SULT1C3: variants seen among roughly 807,000 people sequenced by gnomAD.
SULT1C3 encodes the protein sulfotransferase family 1C member 3.
In SULT1C3, 31 loss-of-function variants were observed where a neutral mutation model predicts 28.4. The ratio of observed to expected loss-of-function variants is 1.09; its 90% CI spans 0.82 to 1.47. The LOEUF is 1.47. Among genes scored for constraint, SULT1C3 ranks in the 40% most tolerant of loss-of-function variants. The pLI is 0.00. For missense variants in SULT1C3, 307 were observed against 272.5 expected (o/e 1.13, Z -0.89); for synonymous variants, 106 against 92.2 (o/e 1.15, Z -0.86).
At chr2:108,263,351 TA>T (rs996285588), downstream of SULT1C3, among the ~76,000 whole-genome samples, 172 of 152,342 alleles carry the variant, frequency 1.1e-3, no homozygotes, top group African/African-American at 4.0e-3. Context: ...TGGCTTTTTT[TA>T]ATATTTAACT....
At chr2:108,242,183 A>ATT (rs999987004) in intron 1 of SULT1C3, among the ~76,000 whole-genome samples, 2 of 152,186 alleles carry the variant, frequency 1.3e-5, no homozygotes, top group African/African-American at 4.8e-5. Flanking sequence ...TCTACCAATA[A>ATT]TTCTTAAGAG....
intron 2 of SULT1C3, among the ~76,000 whole-genome samples, chr2:108,248,896 G>A (rs1322364740): frequency 6.6e-6 from 1 of 152,134 alleles, no homozygotes; most frequent in Non-Finnish European, 1.5e-5. Context: ...GGACCCAGTG[G>A]AATCATGTGA....
intron 4 of SULT1C3, among the ~76,000 whole-genome samples, chr2:108,254,904 G>A (rs1675832953): frequency 6.6e-6 from 1 of 151,558 alleles, no homozygotes; most frequent in Non-Finnish European, 1.5e-5. Context: ...TTCCTCATGT[G>A]AGTCTCATAC....
intron 3 of SULT1C3, 112 bp downstream of exon 3, chr2:108,252,605 G>C: frequency 7.7e-7 from 1 of 1,296,512 alleles, no homozygotes; most frequent in South Asian, 1.7e-5. Context: ...TATCTTTCAT[G>C]AGGTCTATTT....
chr2:108,253,802 G>A (rs1322183975), intron 4 of SULT1C3, among the ~76,000 whole-genome samples: 1 of 151,980 alleles, frequency 6.6e-6, no homozygotes, highest in Non-Finnish European at 1.5e-5. Flanking sequence ...ATATTCTCCT[G>A]GCCTCAGAAG....
At chr2:108,245,400 A>G (rs893207980) in intron 1 of SULT1C3, among the ~76,000 whole-genome samples, 1 of 152,242 alleles carries the variant, frequency 6.6e-6, no homozygotes, top group Non-Finnish European at 1.5e-5. Flanking sequence ...ATATCCTGCT[A>G]TGATGGCCTA....
chr2:108,244,740 GA>G (rs772148769), intron 1 of SULT1C3, among the ~76,000 whole-genome samples: 8 of 152,144 alleles, frequency 5.3e-5, no homozygotes, highest in Non-Finnish European at 1.0e-4. Context: ...AATGAGAAGG[GA>G]ACTTGAAGGC....
At position 108,260,633 on chromosome 2, in the gene SULT1C3, G is replaced by A; in HGVS notation, c.868G>A (p.Glu290Lys). The change falls in exon 8 of 8, where the codon GAA becomes AAA. Residue 290 changes from glutamate to lysine, a missense_variant. By Grantham distance (56) the Glu-to-Lys change is moderately conservative (BLOSUM62 1). Coordinates refer to ENST00000681802, the MANE Select transcript of SULT1C3 (RefSeq NM_001320878.2). ...GAATGAGAACTTTGATAAGCATTAT[G>A]AAAAGAAGATGGCAGGGTCCACACT... Reference protein sequence around the residue: ...ALNENFDKHYEKKMAGSTLNF... With the variant: ...ALNENFDKHYKKKMAGSTLNF... The A allele has an allele frequency of 2.0e-6, 1 of 492,592 alleles. No individual in the cohort carries two copies. The highest frequency in any genetic ancestry group is 4.1e-6 in the Non-Finnish European group (1 of 246,312). The allele number at this position is 492,592 out of a possible 1,614,324, so 30.5% of individuals were successfully genotyped here. A position where few individuals can be genotyped will look rare whatever the true frequency, so the allele number is the denominator to read the frequency against.
downstream of SULT1C3, chr2:108,265,233 T>C: frequency 6.2e-7 from 1 of 1,612,792 alleles, no homozygotes; most frequent in Non-Finnish European, 8.5e-7. Flanking sequence ...TTTTGCCTTG[T>C]TTCAGGGATG....
chr2:108,254,254 T>G (rs1675805255), intron 4 of SULT1C3, among the ~76,000 whole-genome samples: 1 of 151,996 alleles, frequency 6.6e-6, no homozygotes, highest in South Asian at 2.1e-4. Context: ...ACAGTCCTCC[T>G]GAAATCCTGC....
intron 1 of SULT1C3, among the ~76,000 whole-genome samples, chr2:108,243,090 C>T (rs113830417): frequency 0.014 from 2,169 of 152,208 alleles, 22 homozygotes; most frequent in South Asian, 0.047. Context: ...AACCAATGAG[C>T]CTTAATTAGG....
chr2:108,241,395 T>TTGG (rs1235633006), intron 1 of SULT1C3, among the ~76,000 whole-genome samples: 3 of 152,206 alleles, frequency 2.0e-5, no homozygotes, highest in Admixed American at 1.3e-4. Context: ...TGCTCCAAAT[T>TTGG]TGGTTCACAA....
chr2:108,263,235 C>A (rs1403899192), downstream of SULT1C3, among the ~76,000 whole-genome samples: 4 of 152,146 alleles, frequency 2.6e-5, no homozygotes, highest in Non-Finnish European at 5.9e-5. Flanking sequence ...TAACTGGGTA[C>A]TGTTAAGAAC....
chr2:108,259,973 A>T (rs1249160320), intron 7 of SULT1C3, among the ~76,000 whole-genome samples: 1 of 152,140 alleles, frequency 6.6e-6, no homozygotes, highest in Admixed American at 6.5e-5. Context: ...ATGGGCAAGC[A>T]TTTCAGATTA....
intron 1 of SULT1C3, among the ~76,000 whole-genome samples, chr2:108,244,117 AC>A (rs1307401662): frequency 2.1e-5 from 3 of 143,384 alleles, no homozygotes; most frequent in Non-Finnish European, 4.5e-5. Context: ...CAAATTGTCT[AC>A]AGCTTAAGAT....
chr2:108,258,699 G>T, intron 5 of SULT1C3, 35 bp from the exon 6 acceptor site: 1 of 1,540,460 alleles, frequency 6.5e-7, no homozygotes, highest in South Asian at 1.1e-5. Context: ...TTTTGTCCCA[G>T]TACTGGGAAC....
chr2:108,263,973 A>T (rs1676077108), downstream of SULT1C3, among the ~76,000 whole-genome samples: 1 of 152,184 alleles, frequency 6.6e-6, no homozygotes, highest in South Asian at 2.1e-4. Flanking sequence ...ATCTCATGAG[A>T]TCATTGTAAA....
intron 5 of SULT1C3, among the ~76,000 whole-genome samples, chr2:108,256,499 A>T: frequency 6.6e-6 from 1 of 152,072 alleles, no homozygotes; most frequent in Non-Finnish European, 1.5e-5. Context: ...ATGGATAAAC[A>T]TTACATGGTG....
intron 2 of SULT1C3, 87 bp from the exon 3 acceptor site, chr2:108,252,278 A>G: frequency 7.5e-7 from 1 of 1,327,932 alleles, no homozygotes; most frequent in Non-Finnish European, 1.0e-6. Context: ...AAGTGCTCTC[A>G]TGTTGCTGTC....
Sources: gnomAD v4.1 joint callset for allele counts (sites outside exome capture counted in the v4.1 genomes callset) on GRCh38, gnomAD v4.1.1 for gene constraint, MANE v1.5 for transcripts, NCBI Gene and HGNC (gene_info 2026-07-23, HGNC 2026-07-21) for gene names.